Variants in GRM1 observed in about 807,000 individuals in gnomAD.
The protein encoded by GRM1 is metabotropic glutamate receptor 1.
In GRM1, 33 loss-of-function variants were observed where a neutral mutation model predicts 90.9. That is an observed-to-expected ratio of 0.36 (90% CI 0.28 to 0.49). The LOEUF (loss-of-function observed/expected upper bound fraction) is 0.49. Among genes scored for constraint, GRM1 ranks in the 20% least tolerant of loss-of-function variants. The pLI is 0.99. For missense variants in GRM1, 1,190 were observed against 1,534.3 expected, an observed-to-expected ratio of 0.78 and a Z score of 3.75; for synonymous variants, 700 against 613.2, an observed-to-expected ratio of 1.14 and a Z score of -2.09.
At chr6:146,237,253 G>C (rs1227124505) in intron 2 of GRM1, among the ~76,000 whole-genome samples, 1 of 151,914 alleles carries the variant, frequency 6.6e-6, no homozygotes. Flanking sequence ...GGAGGAAATG[G>C]GAATTCCTTG....
intron 7 of GRM1, among the ~76,000 whole-genome samples, chr6:146,424,166 G>T (rs535501507): frequency 4.6e-5 from 7 of 152,340 alleles, no homozygotes; most frequent in African/African-American, 1.4e-4. Context: ...ACAGTGCAGA[G>T]ACACCTAAGG....
intron 2 of GRM1, among the ~76,000 whole-genome samples, chr6:146,291,447 T>A (rs1224630989): frequency 6.6e-6 from 1 of 151,406 alleles, no homozygotes; most frequent in Non-Finnish European, 1.5e-5. Context: ...TCTTTGCTTC[T>A]GTAGTGTGCA....
intron 2 of GRM1, among the ~76,000 whole-genome samples, chr6:146,259,341 T>C (rs565285763): frequency 7.9e-5 from 12 of 152,322 alleles, no homozygotes; most frequent in African/African-American, 2.6e-4. Flanking sequence ...CTGCCCATTT[T>C]ACAAAAAATT....
chr6:146,196,463 A>ATTTTTTTTT (rs772811053), intron 2 of GRM1, among the ~76,000 whole-genome samples: 51 of 85,796 alleles, frequency 5.9e-4, no homozygotes, highest in Admixed American at 7.8e-4. Flanking sequence ...AATTTTTTGT[A>ATTTTTTTTT]TTTTTTTTTT....
intron 2 of GRM1, among the ~76,000 whole-genome samples, chr6:146,255,328 G>A (rs898014570): frequency 3.9e-5 from 6 of 152,058 alleles, no homozygotes; most frequent in African/African-American, 1.4e-4. Context: ...TTTCACCAAA[G>A]CATTATTAGA....
intron 1 of GRM1, among the ~76,000 whole-genome samples, chr6:146,085,811 CT>C (rs1349967518): frequency 2.0e-5 from 3 of 152,010 alleles, no homozygotes; most frequent in Admixed American, 2.0e-4. Context: ...CATTTAGTTG[CT>C]TTGAGGATTT....
intron 2 of GRM1, among the ~76,000 whole-genome samples, chr6:146,186,817 C>T (rs528946826): frequency 1.3e-4 from 20 of 152,270 alleles, no homozygotes; most frequent in African/African-American, 4.1e-4. Context: ...ATTTGCTGTT[C>T]GCACTATGTG....
chr6:146,418,143 T>C (rs1348597303), intron 7 of GRM1, among the ~76,000 whole-genome samples: 1 of 152,142 alleles, frequency 6.6e-6, no homozygotes, highest in Non-Finnish European at 1.5e-5. Flanking sequence ...AAAATATTAG[T>C]ACTGTGCCAA....
intron 2 of GRM1, among the ~76,000 whole-genome samples, chr6:146,300,398 T>C (rs1447618364): frequency 6.6e-6 from 1 of 152,166 alleles, no homozygotes; most frequent in East Asian, 1.9e-4. Flanking sequence ...TATTTTCCTG[T>C]TATTAATATT....
intron 3 of GRM1, among the ~76,000 whole-genome samples, chr6:146,317,518 G>A (rs1784018858): frequency 6.6e-6 from 1 of 152,074 alleles, no homozygotes; most frequent in Non-Finnish European, 1.5e-5. Context: ...TGTGTTATAG[G>A]AACCCCCCTA....
intron 2 of GRM1, among the ~76,000 whole-genome samples, chr6:146,168,120 A>G (rs974677544): frequency 3.9e-5 from 6 of 152,012 alleles, no homozygotes; most frequent in African/African-American, 1.4e-4. Flanking sequence ...ACTAGAAGAA[A>G]TATTATTTCT....
chr6:146,236,578 C>T (rs1194846056), intron 2 of GRM1, among the ~76,000 whole-genome samples: 4 of 152,136 alleles, frequency 2.6e-5, no homozygotes, highest in African/African-American at 9.7e-5. Context: ...AGAGCCTTCT[C>T]AAGGGTTCTT....
chr6:146,366,196 C>T (rs1354832687), intron 5 of GRM1, among the ~76,000 whole-genome samples: 1 of 152,086 alleles, frequency 6.6e-6, no homozygotes, highest in African/African-American at 2.4e-5. Context: ...AATATGCTCT[C>T]CATAGGCATT....
At chr6:146,405,714 G>T (rs188644192) in intron 7 of GRM1, among the ~76,000 whole-genome samples, 1 of 140,428 alleles carries the variant, frequency 7.1e-6, no homozygotes, top group Non-Finnish European at 1.5e-5. Context: ...TTGTTTGTTT[G>T]TTTGTTTTTT....
At chr6:146,322,308 G>A (rs1784221795) in intron 3 of GRM1, among the ~76,000 whole-genome samples, 1 of 152,108 alleles carries the variant, frequency 6.6e-6, no homozygotes, top group Non-Finnish European at 1.5e-5. Flanking sequence ...ATGCCCGCTG[G>A]AGCTCTCCTC....
intron 2 of GRM1, among the ~76,000 whole-genome samples, chr6:146,207,684 T>TA (rs1779541917): frequency 6.6e-6 from 1 of 152,184 alleles, no homozygotes; most frequent in African/African-American, 2.4e-5. Context: ...CCCCATCTTT[T>TA]AAAATAGGCA....
chr6:146,317,881 G>A (rs1018934291), intron 3 of GRM1, among the ~76,000 whole-genome samples: 2 of 152,136 alleles, frequency 1.3e-5, no homozygotes, highest in Non-Finnish European at 2.9e-5. Flanking sequence ...CCATCTCAGG[G>A]GAAGGGTATC....
At chr6:146,344,074 A>T (rs1284490018) in intron 3 of GRM1, among the ~76,000 whole-genome samples, 1 of 152,224 alleles carries the variant, frequency 6.6e-6, no homozygotes, top group Admixed American at 6.5e-5. Context: ...AACTAAATTT[A>T]AATTCATGCT....
At chr6:146,051,469 T>C (rs538287094) in intron 1 of GRM1, among the ~76,000 whole-genome samples, 2 of 152,210 alleles carry the variant, frequency 1.3e-5, no homozygotes, top group South Asian at 2.1e-4. Flanking sequence ...AAGATTCATA[T>C]AGAGAATAGA....
Sources: gnomAD v4.1 joint callset for allele counts (sites outside exome capture counted in the v4.1 genomes callset) on GRCh38, gnomAD v4.1.1 for gene constraint, MANE v1.5 for transcripts, NCBI Gene and HGNC (gene_info 2026-07-23, HGNC 2026-07-21) for gene names.